Variants in PRMT8 observed in about 807,000 individuals in gnomAD.
PRMT8 encodes protein arginine N-methyltransferase 8.
PRMT8 carries 7 observed loss-of-function variants against 47.1 expected under a neutral mutation model. That is an observed-to-expected ratio of 0.15 (90% CI 0.08 to 0.28). The LOEUF is 0.28. PRMT8 is among the 10% of genes least tolerant of loss of function. PRMT8 has a pLI of 1.00. For missense variants in PRMT8, 237 were observed against 505.4 expected, an observed-to-expected ratio of 0.47 and a Z score of 5.09; for synonymous variants, 188 against 186.5, an observed-to-expected ratio of 1.01 and a Z score of -0.07.
intron 1 of PRMT8, among the ~76,000 whole-genome samples, chr12:3,419,888 A>T (rs563017367): frequency 2.0e-4 from 30 of 146,584 alleles, no homozygotes; most frequent in African/African-American, 6.5e-4. Flanking sequence ...TGACCTCATC[A>T]TGCTGTGAGT....
chr12:3,427,596 GT>G (rs553822813), intron 1 of PRMT8, among the ~76,000 whole-genome samples: 24 of 145,084 alleles, frequency 1.7e-4, no homozygotes, highest in South Asian at 4.4e-4. Context: ...CACATAAACT[GT>G]TTTTTTTTTC....
intron 1 of PRMT8, among the ~76,000 whole-genome samples, chr12:3,447,552 ATC>A (rs1864871318): frequency 6.6e-6 from 1 of 152,054 alleles, no homozygotes; most frequent in Admixed American, 6.5e-5. Flanking sequence ...CAGCACAGAC[ATC>A]TCTTTCTCAG....
At chr12:3,478,115 C>T (rs890578464) in intron 1 of PRMT8, among the ~76,000 whole-genome samples, 4 of 152,084 alleles carry the variant, frequency 2.6e-5, no homozygotes, top group East Asian at 1.9e-4. Context: ...GAAACTTAAT[C>T]GGACTTTGAG....
At chr12:3,438,092 G>C (rs1864763169) in intron 1 of PRMT8, among the ~76,000 whole-genome samples, 1 of 152,140 alleles carries the variant, frequency 6.6e-6, no homozygotes, top group African/African-American at 2.4e-5. Context: ...TCCGAGTGGG[G>C]AGCCTGGGGA....
chr12:3,479,552 C>T (rs1054903737), intron 1 of PRMT8, among the ~76,000 whole-genome samples: 1 of 152,132 alleles, frequency 6.6e-6, no homozygotes, highest in African/African-American at 2.4e-5. Context: ...CCTCAGATAG[C>T]CATCGTCTCA....
intron 1 of PRMT8, among the ~76,000 whole-genome samples, chr12:3,531,294 G>A (rs941385957): frequency 2.6e-5 from 4 of 152,182 alleles, no homozygotes; most frequent in Non-Finnish European, 5.9e-5. Context: ...CCCTTGCCTT[G>A]GGGAGGGAAG....
chr12:3,544,528 C>T (rs1337426350), intron 2 of PRMT8, among the ~76,000 whole-genome samples: 2 of 152,148 alleles, frequency 1.3e-5, no homozygotes, highest in Non-Finnish European at 2.9e-5. Flanking sequence ...GCTTCATGTC[C>T]AGCATAAAAC....
intron 1 of PRMT8, among the ~76,000 whole-genome samples, chr12:3,398,857 A>G (rs575672685): frequency 6.6e-6 from 1 of 152,348 alleles, no homozygotes; most frequent in South Asian, 2.1e-4. Context: ...TTCATCTGAT[A>G]GATCTGGCAA....
At chr12:3,425,856 C>T (rs1228529498) in intron 1 of PRMT8, among the ~76,000 whole-genome samples, 4 of 152,230 alleles carry the variant, frequency 2.6e-5, no homozygotes, top group Non-Finnish European at 1.5e-5. Context: ...CCAGTAAAGG[C>T]CTACCACACA....
At chr12:3,413,665 G>T (rs1170294961) in intron 1 of PRMT8, among the ~76,000 whole-genome samples, 1 of 152,158 alleles carries the variant, frequency 6.6e-6, no homozygotes, top group Non-Finnish European at 1.5e-5. Flanking sequence ...CTAGGAGATA[G>T]AAATTATTCA....
intron 1 of PRMT8, among the ~76,000 whole-genome samples, chr12:3,390,547 C>G (rs1419311252): frequency 6.6e-6 from 1 of 152,138 alleles, no homozygotes; most frequent in Non-Finnish European, 1.5e-5. Context: ...TCACAGTAAC[C>G]CTAATAGTAG....
intron 1 of PRMT8, among the ~76,000 whole-genome samples, chr12:3,519,736 A>G (rs1225092122): frequency 2.0e-5 from 3 of 152,150 alleles, no homozygotes. Context: ...TTAGGGTTGT[A>G]AACTCCAAGG....
chr12:3,461,127 C>T (rs1257940545), intron 1 of PRMT8, among the ~76,000 whole-genome samples: 1 of 152,164 alleles, frequency 6.6e-6, no homozygotes, highest in East Asian at 1.9e-4. Flanking sequence ...TTAGATACCT[C>T]CTCTGTCAAT....
At chr12:3,477,747 C>T (rs1865229328) in intron 1 of PRMT8, among the ~76,000 whole-genome samples, 1 of 152,206 alleles carries the variant, frequency 6.6e-6, no homozygotes, top group South Asian at 2.1e-4. Context: ...CCCACTGCTC[C>T]TGTACCCGAA....
chr12:3,584,130 A>T (rs1867123352), intron 8 of PRMT8, among the ~76,000 whole-genome samples: 1 of 152,212 alleles, frequency 6.6e-6, no homozygotes, highest in Admixed American at 6.5e-5. Context: ...TCCAAAGGCA[A>T]GGTGTCAGCA....
chr12:3,578,086 T>TAG (rs1866981578), intron 7 of PRMT8, among the ~76,000 whole-genome samples: 1 of 151,786 alleles, frequency 6.6e-6, no homozygotes, highest in African/African-American at 2.4e-5. Context: ...TTTTTTAAAA[T>TAG]AGAGACATCA....
intron 1 of PRMT8, among the ~76,000 whole-genome samples, chr12:3,386,939 A>T (rs1475628784): frequency 6.7e-6 from 1 of 150,316 alleles, no homozygotes; most frequent in African/African-American, 2.5e-5. Context: ...CGAACTCCTG[A>T]CCTCATGATC....
chr12:3,402,284 TGAAACTG>T (rs1260074913), intron 1 of PRMT8, among the ~76,000 whole-genome samples: 1 of 152,204 alleles, frequency 6.6e-6, no homozygotes, highest in Non-Finnish European at 1.5e-5. Flanking sequence ...TGGCGAAAAT[TGAAACTG>T]GACCCCTTCC....
At chr12:3,529,294 T>A (rs1282867924) in intron 1 of PRMT8, among the ~76,000 whole-genome samples, 3 of 152,238 alleles carry the variant, frequency 2.0e-5, no homozygotes, top group South Asian at 2.1e-4. Flanking sequence ...TTACCTCATT[T>A]ATTTGTCATC....
Sources: gnomAD v4.1 joint callset for allele counts (sites outside exome capture counted in the v4.1 genomes callset) on GRCh38, gnomAD v4.1.1 for gene constraint, MANE v1.5 for transcripts, NCBI Gene and HGNC (gene_info 2026-07-23, HGNC 2026-07-21) for gene names.